Variants in ARHGAP15 observed in about 807,000 individuals in gnomAD.
ARHGAP15 encodes the protein rho GTPase-activating protein 15.
A neutral mutation model predicts 63.7 loss-of-function variants in ARHGAP15; 51 were observed. The observed-to-expected ratio is 0.80, with a 90% CI of 0.64 to 1.01. ARHGAP15 has a LOEUF of 1.01. Ranked by LOEUF, ARHGAP15 falls within the 50% of genes least tolerant of loss-of-function variation. The pLI, the probability that ARHGAP15 is intolerant of heterozygous loss-of-function variation, is 0.00. For synonymous variants in ARHGAP15, 191 were observed against 193.8 expected, an observed-to-expected ratio of 0.99 and a Z score of 0.12; for missense variants, 560 against 564.6, an observed-to-expected ratio of 0.99 and a Z score of 0.08.
At chr2:143,488,628 T>A (rs1047113221) in intron 9 of ARHGAP15, among the ~76,000 whole-genome samples, 3 of 152,190 alleles carry the variant, frequency 2.0e-5, no homozygotes, top group Non-Finnish European at 4.4e-5. Context: ...TAATAAGCAA[T>A]CATTTCTCAT....
chr2:143,182,370 C>T (rs1574059715), intron 2 of ARHGAP15, among the ~76,000 whole-genome samples: 1 of 152,210 alleles, frequency 6.6e-6, no homozygotes, highest in East Asian at 1.9e-4. Context: ...GACAGGGGAA[C>T]TGCCAGTTGG....
chr2:143,653,797 A>G (rs748931389), intron 12 of ARHGAP15, among the ~76,000 whole-genome samples: 36 of 152,192 alleles, frequency 2.4e-4, no homozygotes, highest in South Asian at 4.1e-4. Flanking sequence ...TTTTGTTTCC[A>G]TAGTGCCAGA....
At chr2:143,376,691 ATAATT>A (rs1462291946) in intron 6 of ARHGAP15, among the ~76,000 whole-genome samples, 4 of 151,876 alleles carry the variant, frequency 2.6e-5, no homozygotes, top group Non-Finnish European at 5.9e-5. Flanking sequence ...TAATATTATA[ATAATT>A]TAATATTTAA....
intron 5 of ARHGAP15, 61 bp from the exon 6 acceptor site, chr2:143,250,450 T>G: frequency 7.7e-7 from 1 of 1,301,578 alleles, no homozygotes; most frequent in South Asian, 1.2e-5. Context: ...AACTCCTATT[T>G]CTCTGACATC....
At chr2:143,358,984 A>G (rs1046482982) in intron 6 of ARHGAP15, among the ~76,000 whole-genome samples, 1 of 152,082 alleles carries the variant, frequency 6.6e-6, no homozygotes, top group Non-Finnish European at 1.5e-5. Flanking sequence ...TCATGGAGTA[A>G]TTCATATAAA....
In ARHGAP15 at chr2:143,461,680, C is replaced by A. The variant is rs1178540682; in HGVS notation, c.703+24638C>A. On this transcript the variant is annotated intron_variant, in intron 8 of 13. Transcript: ENST00000295095. ...GACAAATTAACCATTTTTCAGTGTC[C>A]ATTTTCTTCATTATGACCAAGGATA... Among the ~76,000 whole-genome samples, 8 of 152,060 alleles carry A rather than the reference C, an allele frequency of 5.3e-5. No individual in the cohort carries two copies. The East Asian group carries it at 1.5e-3, about 29-fold the overall frequency.
At chr2:143,716,089 A>C (rs559727060) in intron 13 of ARHGAP15, among the ~76,000 whole-genome samples, 37 of 152,286 alleles carry the variant, frequency 2.4e-4, no homozygotes, top group African/African-American at 8.7e-4. Flanking sequence ...CATAGGTGAT[A>C]GGAAGATCTG....
chr2:143,632,726 C>G (rs1680106719), intron 12 of ARHGAP15, among the ~76,000 whole-genome samples: 1 of 152,092 alleles, frequency 6.6e-6, no homozygotes, highest in Admixed American at 6.5e-5. Flanking sequence ...AATGGTTTTT[C>G]CCCCCATGGC....
At chr2:143,694,110 C>T (rs1683737056) in intron 12 of ARHGAP15, among the ~76,000 whole-genome samples, 1 of 151,958 alleles carries the variant, frequency 6.6e-6, no homozygotes, top group Admixed American at 6.6e-5. Context: ...AAAGAATGTT[C>T]ATATTTACAT....
intron 13 of ARHGAP15, among the ~76,000 whole-genome samples, chr2:143,712,982 G>A (rs190482033): frequency 5.8e-4 from 89 of 152,264 alleles, no homozygotes; most frequent in Admixed American, 5.2e-3. Context: ...CCCTAGCACC[G>A]TGTCCTACAT....
At chr2:143,565,531 G>A (rs1696186871) in intron 11 of ARHGAP15, among the ~76,000 whole-genome samples, 1 of 152,100 alleles carries the variant, frequency 6.6e-6, no homozygotes, top group African/African-American at 2.4e-5. Flanking sequence ...GGTACATTAT[G>A]TTAGGTTCCA....
chr2:143,204,708 A>G (rs1692256511), intron 3 of ARHGAP15, among the ~76,000 whole-genome samples: 1 of 152,082 alleles, frequency 6.6e-6, no homozygotes, highest in African/African-American at 2.4e-5. Flanking sequence ...ACTAGGCCCT[A>G]GAAGACTCAT....
At chr2:143,252,725 C>A (rs1680219335) in intron 6 of ARHGAP15, among the ~76,000 whole-genome samples, 1 of 151,992 alleles carries the variant, frequency 6.6e-6, no homozygotes, top group Non-Finnish European at 1.5e-5. Flanking sequence ...CTGACTAATA[C>A]ATATCCATAG....
chr2:143,322,528 A>G (rs570970722), intron 6 of ARHGAP15, among the ~76,000 whole-genome samples: 23 of 152,238 alleles, frequency 1.5e-4, no homozygotes, highest in Non-Finnish European at 3.2e-4. Flanking sequence ...CAATAATGTA[A>G]TAACAACAAA....
intron 12 of ARHGAP15, among the ~76,000 whole-genome samples, chr2:143,682,070 T>TA (rs1285032041): frequency 6.6e-6 from 1 of 152,228 alleles, no homozygotes; most frequent in African/African-American, 2.4e-5. Flanking sequence ...CCAAAGAGCA[T>TA]AATGTATGCA....
At chr2:143,694,114 T>C (rs1432909532) in intron 12 of ARHGAP15, among the ~76,000 whole-genome samples, 3 of 152,200 alleles carry the variant, frequency 2.0e-5, no homozygotes, top group African/African-American at 7.2e-5. Flanking sequence ...AATGTTCATA[T>C]TTACATCTGC....
At position 143,703,440 on chromosome 2, in the gene ARHGAP15, G is replaced by T. The variant is rs141487481; in HGVS notation, c.1160G>T (p.Arg387Ile). ...CCAGAAAAGCAAGACAACAACACAAGAATTGAAGCTGTAAAATCTCTTGTA... is the reference window on the plus strand; with the variant it reads ...CCAGAAAAGCAAGACAACAACACAATAATTGAAGCTGTAAAATCTCTTGTA... ...EAIKKQDNNT[R>I]IEAVKSLVQK... Residue 387 changes from arginine (R) to isoleucine (I), a missense_variant, in exon 13 of 14, where the codon AGA becomes ATA. Arg to Ile is a moderately conservative substitution (Grantham distance 97). Coordinates refer to ENST00000295095, the MANE Select transcript of ARHGAP15 (RefSeq NM_018460.4). 270 of 1,609,248 alleles carry T rather than the reference G, an allele frequency of 1.7e-4. 1 individual carries two copies. The highest frequency in any genetic ancestry group is 2.1e-4 in the Non-Finnish European group (250 of 1,178,442).
At position 143,763,728 on chromosome 2, in the gene ARHGAP15, ATATGTATATG is replaced by A. The variant is rs910779039; in HGVS notation, c.1245-4247_1245-4238del. Among the ~76,000 whole-genome samples, 48 of 140,338 alleles carry A rather than the reference ATATGTATATG, an allele frequency of 3.4e-4. 1 individual carries two copies. In the East Asian group the frequency reaches 7.7e-3, roughly 22 times the overall value. The allele number at this position is 140,338 out of a possible 152,430, so 92.1% of individuals were successfully genotyped here. On this transcript the variant is annotated intron_variant, in intron 13 of 13. Coordinates refer to ENST00000295095, the MANE Select transcript of ARHGAP15 (RefSeq NM_018460.4). Reference sequence around the variant, plus strand: ...TGTATATGTGTATGTATATGTATGTATATGTATATGTATGTATATGTATATGTATGTATAT... The same window carrying A: ...TGTATATGTGTATGTATATGTATGTATATGTATATGTATATGTATGTATAT...
intron 6 of ARHGAP15, among the ~76,000 whole-genome samples, chr2:143,379,453 C>A (rs1008676812): frequency 1.3e-5 from 2 of 150,318 alleles, no homozygotes; most frequent in African/African-American, 2.5e-5. Context: ...ATGACCCACA[C>A]TGACCATTAA....
Sources: allele counts gnomAD v4.1 joint callset (sites outside exome capture counted in the v4.1 genomes callset), GRCh38; gene constraint gnomAD v4.1.1; transcripts MANE v1.5; gene names NCBI Gene and HGNC (gene_info 2026-07-23, HGNC 2026-07-21).